The following KIRREL3 variants were observed in gnomAD, a reference collection of about 807,000 sequenced individuals.
KIRREL3 encodes the protein kirre like nephrin family adhesion molecule 3, also known as kin of IRRE-like protein 3.
KIRREL3 carries 36 observed loss-of-function variants against 89.7 expected under a neutral mutation model. That is an observed-to-expected ratio of 0.40 (90% CI 0.31 to 0.53). The LOEUF is 0.53. KIRREL3 is among the 20% of genes least tolerant of loss of function. KIRREL3 has a pLI of 0.49. For synonymous variants in KIRREL3, 445 were observed against 441.4 expected, an observed-to-expected ratio of 1.01 and a Z score of -0.10; for missense variants, 864 against 1,056.6, an observed-to-expected ratio of 0.82 and a Z score of 2.53.
At chr11:127,000,990 T>A, upstream of KIRREL3, 1 of 237,052 alleles carries the variant, frequency 4.2e-6, no homozygotes, top group Non-Finnish European at 8.0e-6. This position sits in a 1 kb window ranked among gnomAD's most constrained non-coding sequence, Gnocchi z 7.1. Flanking sequence ...TTTCCCTAAA[T>A]AGGGAAAAAT....
rs749055920 is a variant in KIRREL3, at chr11:126,424,831, C to G, written c.2086G>C (p.Val696Leu). ...ATGGACGAGCTGCCCATGCCCAGCA[C>G]AAACCGCTGCCCGTAGTCGTAGAGG... ...GRLYDYGQRF[V>L]LGMGSSSIEL... Residue 696 changes from valine (V) to leucine (L), a missense_variant, in exon 17 of 17, where the codon GTG becomes CTG. By Grantham distance (32) the Val-to-Leu change is conservative (BLOSUM62 1). Transcript: ENST00000525144. 13 of 1,613,936 alleles carry G rather than the reference C, an allele frequency of 8.1e-6. No individual in the cohort carries two copies. Among genetic ancestry groups the G allele is most frequent in the Non-Finnish European group, 1.0e-5 (12 of 1,179,906 alleles).
rs1947615469 is a variant in KIRREL3 at position 126,708,195 on chromosome 11, T to G, written c.56-145283A>C. On this transcript the variant is annotated intron_variant, in intron 1 of 16. Coordinates refer to ENST00000525144, the MANE Select transcript of KIRREL3 (RefSeq NM_032531.4). This position sits in a 1 kb window ranked among gnomAD's most constrained non-coding sequence, Gnocchi z 5.7. ...TATTCATGCCGCCTGGAAACTCATC[T>G]GCCTGTGCCGCTGCTTTTTCCTGGC... Among the ~76,000 whole-genome samples, 2 of 152,230 alleles carry G rather than the reference T, an allele frequency of 1.3e-5. No homozygotes were observed. Among genetic ancestry groups the G allele is most frequent in the Admixed American group, 6.5e-5 (1 of 15,288 alleles).
rs202243168 is a variant in KIRREL3, at chr11:126,949,049, ATTT to A, written c.55+51403_55+51405del. On this transcript the variant is annotated intron_variant, in intron 1 of 16. Transcript: ENST00000525144. ...TTAATGTTTATTATTCTACAACATG[ATTT>A]TTAATTTGCTTAAATAATCTCCTGA... 7.9e-3 allele frequency among the ~76,000 whole-genome samples: 1,197 copies of A among 152,352 alleles called. 7 individuals carry two copies. The highest frequency in any genetic ancestry group is 0.012 in the Non-Finnish European group (812 of 68,036).
At chr11:126,730,434 G>A (rs7929255) in intron 1 of KIRREL3, among the ~76,000 whole-genome samples, 3,940 of 152,260 alleles carry the variant, frequency 0.026, 168 homozygotes, top group African/African-American at 0.089. Flanking sequence ...ACTCCTACAG[G>A]TATCTTCAAC....
chr11:126,439,839 A>C (rs1043033017), intron 11 of KIRREL3, among the ~76,000 whole-genome samples: 2 of 151,208 alleles, frequency 1.3e-5, no homozygotes, highest in Non-Finnish European at 2.9e-5. Context: ...ACAAACAAAC[A>C]AACCCAAAAA....
In KIRREL3 at chr11:126,976,842, G is replaced by T. The variant is rs1217466080; in HGVS notation, c.55+23613C>A. ...CATAAGGTTATTACTTCACGGTGGA[G>T]CTAGGCACTTAATCCTTGATCTGGG... On this transcript the variant is annotated intron_variant, in intron 1 of 16. Transcript: ENST00000525144. This position sits in a 1 kb window ranked among gnomAD's most constrained non-coding sequence, Gnocchi z 4.2. Among the ~76,000 whole-genome samples, 1 of 152,130 alleles carries T rather than the reference G, an allele frequency of 6.6e-6. No homozygotes were observed. Among genetic ancestry groups the T allele is most frequent in the Non-Finnish European group, 1.5e-5 (1 of 68,040 alleles).
At chr11:126,461,746 G>A (rs531068264) in intron 6 of KIRREL3, among the ~76,000 whole-genome samples, 1 of 152,226 alleles carries the variant, frequency 6.6e-6, no homozygotes, top group Non-Finnish European at 1.5e-5. Flanking sequence ...TTAAGACCTG[G>A]ACCCCATCTC....
intron 1 of KIRREL3, among the ~76,000 whole-genome samples, chr11:126,630,616 C>A (rs550587832): frequency 4.6e-4 from 70 of 152,280 alleles, no homozygotes; most frequent in African/African-American, 1.6e-3. Flanking sequence ...TTACCTCTTA[C>A]CTCTGCCTGG....
At chr11:126,841,725 C>A (rs537947802) in intron 1 of KIRREL3, among the ~76,000 whole-genome samples, 1 of 152,220 alleles carries the variant, frequency 6.6e-6, no homozygotes, top group African/African-American at 2.4e-5. Context: ...AGCTCCTGTG[C>A]ACCCTACAGC....
chr11:126,832,697 G>T (rs1017658501), intron 1 of KIRREL3, among the ~76,000 whole-genome samples: 4 of 152,170 alleles, frequency 2.6e-5, no homozygotes, highest in African/African-American at 9.7e-5. Context: ...GGACTTGCAC[G>T]CTGGGAATGT....
Position 126,768,865 on chromosome 11 carries a change from A to G in KIRREL3, c.56-205953T>C, listed in dbSNP as rs927614270. ...GACCAGACATAGAGCTCCATGGAGC[A>G]CGAGAGCCATGGCAAGAAGGCGATG... is the stretch of plus-strand genomic sequence containing the variant. On this transcript the variant is annotated intron_variant, in intron 1 of 16. Coordinates refer to ENST00000525144, the MANE Select transcript of KIRREL3 (RefSeq NM_032531.4). This position sits in a 1 kb window ranked among gnomAD's most constrained non-coding sequence, Gnocchi z 4.5. Among the ~76,000 whole-genome samples the G allele has an allele frequency of 3.9e-5, 6 of 152,216 alleles. No homozygotes were observed. The highest frequency in any genetic ancestry group is 1.4e-4 in the African/African-American group (6 of 41,462).
chr11:126,488,863 C>T (rs764818569), intron 4 of KIRREL3, among the ~76,000 whole-genome samples: 1 of 152,238 alleles, frequency 6.6e-6, no homozygotes, highest in Non-Finnish European at 1.5e-5. Flanking sequence ...CCAGGCCTGG[C>T]CACCTTTGCA....
chr11:126,891,549 G>A lies in KIRREL3; in HGVS notation c.55+108906C>T, dbSNP rs1200089882. 2.0e-5 allele frequency among the ~76,000 whole-genome samples: 3 copies of A among 152,222 alleles called. No individual in the cohort carries two copies. Among genetic ancestry groups the A allele is most frequent in the Non-Finnish European group, 2.9e-5 (2 of 68,038 alleles). Reference sequence around the variant, plus strand: ...GATTCCTTGGAAAGAGATGCACAGGGTGCTCCGACTGTTAGTCTGTCCTGC... The same window carrying A: ...GATTCCTTGGAAAGAGATGCACAGGATGCTCCGACTGTTAGTCTGTCCTGC... On this transcript the variant is annotated intron_variant, in intron 1 of 16. Transcript: ENST00000525144. This position sits in a 1 kb window ranked among gnomAD's most constrained non-coding sequence, Gnocchi z 5.1.
chr11:126,517,726 C>T (rs553854723), intron 4 of KIRREL3, among the ~76,000 whole-genome samples: 2 of 152,332 alleles, frequency 1.3e-5, no homozygotes, highest in African/African-American at 4.8e-5. Context: ...TGTTGGACTC[C>T]TTACAGTGGA....
rs559342623 is a variant in KIRREL3, at chr11:126,822,118, C to T, written c.55+178337G>A. 3.3e-5 allele frequency among the ~76,000 whole-genome samples: 5 copies of T among 152,274 alleles called. No individual in the cohort carries two copies. In the East Asian group the frequency reaches 9.7e-4, roughly 29 times the overall value. ...TGCTTTCTTGATCTGTAACCTTGGG[C>T]AAGCCCCTTGATGTCTCTGTCCCTC... On this transcript the variant is annotated intron_variant, in intron 1 of 16. Transcript: ENST00000525144.
chr11:126,819,248 G>A (rs1042533094), intron 1 of KIRREL3, among the ~76,000 whole-genome samples: 7 of 152,170 alleles, frequency 4.6e-5, no homozygotes, highest in South Asian at 2.1e-4. Context: ...AGAGCATCTC[G>A]CAGGAGGTAC....
chr11:126,968,636 C>T (rs1949346196), intron 1 of KIRREL3, among the ~76,000 whole-genome samples: 1 of 152,146 alleles, frequency 6.6e-6, no homozygotes, highest in South Asian at 2.1e-4. Context: ...TTTACAAGTG[C>T]CCTATTAAAT....
At chr11:126,786,927 T>A (rs554651804) in intron 1 of KIRREL3, among the ~76,000 whole-genome samples, 1 of 152,298 alleles carries the variant, frequency 6.6e-6, no homozygotes, top group African/African-American at 2.4e-5. Flanking sequence ...AGCTGGTCTT[T>A]CCTAATGAGC....
rs939380233 is a variant in KIRREL3, at chr11:126,430,480, T to C, written c.1696+939A>G. On this transcript the variant is annotated intron_variant, in intron 14 of 16. Coordinates refer to ENST00000525144, the MANE Select transcript of KIRREL3 (RefSeq NM_032531.4). This position sits in a 1 kb window ranked among gnomAD's most constrained non-coding sequence, Gnocchi z 6.6. ...GTATATATATGTGTATATATGCGTA[T>C]GTGTATATATTTGTATGCTTCCCTA... Among the ~76,000 whole-genome samples, 4 of 152,104 alleles carry C rather than the reference T, an allele frequency of 2.6e-5. No individual in the cohort carries two copies. Among genetic ancestry groups the C allele is most frequent in the African/African-American group, 7.2e-5 (3 of 41,406 alleles).
Sources: allele counts gnomAD v4.1 joint callset (sites outside exome capture counted in the v4.1 genomes callset), GRCh38; gene constraint gnomAD v4.1.1; non-coding constraint Gnocchi (gnomAD v3.1); transcripts MANE v1.5; gene names NCBI Gene and HGNC (gene_info 2026-07-23, HGNC 2026-07-21).